PLG: variants seen among roughly 807,000 people sequenced by gnomAD.
The protein encoded by PLG is plasminogen, also known as plasmin.
Under a neutral mutation model 104.4 loss-of-function variants are expected in PLG, and 41 were observed. The ratio of observed to expected loss-of-function variants is 0.39; its 90% CI spans 0.31 to 0.51. PLG has a LOEUF of 0.51. Ranked by LOEUF, PLG falls within the 20% of genes least tolerant of loss-of-function variation. PLG has a pLI of 0.76. For synonymous variants in PLG, 337 were observed against 357.1 expected (o/e 0.94, Z 0.63); for missense variants, 891 against 1,003.6 (o/e 0.89, Z 1.52).
chr6:160,749,298 C>T (rs1170942875), intron 17 of PLG, among the ~76,000 whole-genome samples: 1 of 152,078 alleles, frequency 6.6e-6, no homozygotes, highest in Admixed American at 6.6e-5. Flanking sequence ...CCACAACTAC[C>T]ATCATCATCC....
chr6:160,705,213 C>G (rs139041705), intron 1 of PLG, among the ~76,000 whole-genome samples: 1 of 144,096 alleles, frequency 6.9e-6, no homozygotes, highest in South Asian at 2.2e-4. Flanking sequence ...GTGCCAAGGA[C>G]GGAGCTGGCA....
rs1778019786 is a variant in PLG, at chr6:160,732,768, G to A, written c.1587+875G>A. 6.6e-6 allele frequency among the ~76,000 whole-genome samples: 1 copy of A among 152,142 alleles called. No homozygotes were observed. The highest frequency in any genetic ancestry group is 6.5e-5 in the Admixed American group (1 of 15,276). On this transcript the variant is annotated intron_variant, in intron 12 of 18. Coordinates refer to ENST00000308192, the MANE Select transcript of PLG (RefSeq NM_000301.5). The surrounding 1 kb of genome is among the most constrained non-coding windows in gnomAD (Gnocchi z 4.5). ...AACAGCCAGACAGAAGAGATGCACG[G>A]GGCAAGGCATGTGAGAAGGGGCTCA...
rs752522150 is a variant in PLG at position 160,739,177 on chromosome 6, C to T, written c.1987C>T (p.Arg663Ter). The change falls in exon 16 of 19, where the codon CGA becomes TGA. Residue 663 changes from arginine to a stop codon, truncating the protein, a stop_gained. Coordinates refer to ENST00000308192, the MANE Select transcript of PLG (RefSeq NM_000301.5). LOFTEE classifies it high-confidence loss of function. This position sits in a 1 kb window ranked among gnomAD's most constrained non-coding sequence, Gnocchi z 4.4. Reference protein sequence around the residue: ...EVSRLFLEPTRKDIALLKLSS... With the variant: ...EVSRLFLEPT Reference sequence around the variant, plus strand: ...GTCTAGGCTGTTCTTGGAGCCCACACGAAAAGATATTGCCTTGCTAAAGCT... The same window carrying T: ...GTCTAGGCTGTTCTTGGAGCCCACATGAAAAGATATTGCCTTGCTAAAGCT... The T allele has an allele frequency of 8.7e-6, 14 of 1,614,008 alleles. No homozygotes were observed. The highest frequency in any genetic ancestry group is 1.1e-5 in the Non-Finnish European group (13 of 1,180,030).
At chr6:160,706,165 G>T (rs1777518159) in intron 1 of PLG, 2 of 556,578 alleles carry the variant, frequency 3.6e-6, no homozygotes, top group South Asian at 2.0e-5. Context: ...CCCTTGCCTT[G>T]CTCCCTCTCT....
In PLG at chr6:160,732,038, C is replaced by T; in HGVS notation, c.1587+145C>T. Reference sequence around the variant, plus strand: ...ACAGAAGAAAATATTGGAAAGGCATCAGGGGGCTAAGCTAGAATATAATTG... The same window carrying T: ...ACAGAAGAAAATATTGGAAAGGCATTAGGGGGCTAAGCTAGAATATAATTG... On this transcript the variant is annotated intron_variant, in intron 12 of 18. Coordinates refer to ENST00000308192, the MANE Select transcript of PLG (RefSeq NM_000301.5). This position sits in a 1 kb window ranked among gnomAD's most constrained non-coding sequence, Gnocchi z 4.5. 1.2e-6 allele frequency: 1 copy of T among 851,632 alleles called. No homozygotes were observed. Among genetic ancestry groups the T allele is most frequent in the South Asian group, 1.4e-5 (1 of 72,330 alleles). The allele number at this position is 851,632 out of a possible 1,614,324, so 52.8% of individuals were successfully genotyped here.
At chr6:160,733,216 C>A (rs144897581) in intron 12 of PLG, among the ~76,000 whole-genome samples, 58 of 152,314 alleles carry the variant, frequency 3.8e-4, no homozygotes, top group African/African-American at 1.3e-3. Context: ...GACAACACTG[C>A]CTTTCTGTGT....
intron 9 of PLG, 131 bp downstream of exon 9, chr6:160,718,969 A>G: frequency 1.2e-6 from 1 of 813,056 alleles, no homozygotes; most frequent in East Asian, 2.6e-5. Context: ...TGCCCTTATG[A>G]TTTCAGTTTT....
intron 1 of PLG, among the ~76,000 whole-genome samples, chr6:160,704,347 G>A (rs1048188123): frequency 4.6e-5 from 7 of 152,218 alleles, no homozygotes; most frequent in African/African-American, 1.7e-4. Flanking sequence ...ATGAAGCATA[G>A]TAACATAACA....
At chr6:160,717,220 G>A (rs981707778) in intron 7 of PLG, among the ~76,000 whole-genome samples, 2 of 152,120 alleles carry the variant, frequency 1.3e-5, no homozygotes, top group Non-Finnish European at 2.9e-5. Context: ...GGTGGGGGTG[G>A]GGAAGAGTTC....
intron 5 of PLG, among the ~76,000 whole-genome samples, chr6:160,714,115 T>G (rs1310683481): frequency 1.3e-5 from 2 of 152,234 alleles, no homozygotes; most frequent in Admixed American, 1.3e-4. Flanking sequence ...GTCTGCCCGT[T>G]TTCCTTAGTA....
chr6:160,728,706 A>C (rs1777955898), intron 10 of PLG, among the ~76,000 whole-genome samples: 1 of 152,176 alleles, frequency 6.6e-6, no homozygotes, highest in East Asian at 1.9e-4. Flanking sequence ...GAAAACAAAA[A>C]TAAAAACAAA....
intron 5 of PLG, 141 bp from the exon 6 acceptor site, chr6:160,714,643 CAATTTTATTG>C: frequency 7.4e-6 from 3 of 403,596 alleles, no homozygotes; most frequent in Non-Finnish European, 1.5e-5. Flanking sequence ...TCCTTATTGC[CAATTTTATTG>C]CCAAGTGCCT....
intron 5 of PLG, among the ~76,000 whole-genome samples, chr6:160,714,322 A>G (rs1777695249): frequency 3.3e-5 from 5 of 152,234 alleles, no homozygotes; most frequent in Admixed American, 3.3e-4. Flanking sequence ...ACTCCAGACT[A>G]AAACCCTGAG....
At chr6:160,715,996 C>G (rs1426308245) in intron 6 of PLG, among the ~76,000 whole-genome samples, 9 of 152,342 alleles carry the variant, frequency 5.9e-5, no homozygotes, top group Admixed American at 5.2e-4. Flanking sequence ...GGATCCAGCC[C>G]CATACTGCAT....
At chr6:160,749,767 C>A (rs2115188394) in intron 17 of PLG, among the ~76,000 whole-genome samples, 1 of 151,388 alleles carries the variant, frequency 6.6e-6, no homozygotes, top group South Asian at 2.1e-4. Flanking sequence ...ACCATCACCA[C>A]CGCCACCACC....
rs1778101667 is a variant in PLG, at chr6:160,737,403, C to T, written c.1802+396C>T. 6.6e-6 allele frequency among the ~76,000 whole-genome samples: 1 copy of T among 152,114 alleles called. No homozygotes were observed. The highest frequency in any genetic ancestry group is 2.4e-5 in the African/African-American group (1 of 41,444). On this transcript the variant is annotated intron_variant, in intron 14 of 18. Transcript: ENST00000308192. This position sits in a 1 kb window ranked among gnomAD's most constrained non-coding sequence, Gnocchi z 4.7. ...ACTTTCTGGGTTGGGAGAGCAAGGA[C>T]AAAATTATCTCCAGTCTATCACAGG...
In PLG at chr6:160,731,318, T is replaced by C; in HGVS notation, c.1438+86T>C. ...ATCTCACTGATGCAGAAACCTTCCATGCTACACGAGAAATCAAGTGTTTTT... is the reference window on the plus strand; with the variant it reads ...ATCTCACTGATGCAGAAACCTTCCACGCTACACGAGAAATCAAGTGTTTTT... On this transcript the variant is annotated intron_variant, in intron 11 of 18. Coordinates refer to ENST00000308192, the MANE Select transcript of PLG (RefSeq NM_000301.5). The surrounding 1 kb of genome is among the most constrained non-coding windows in gnomAD (Gnocchi z 5.1). 8.4e-7 allele frequency: 1 copy of C among 1,189,956 alleles called. No homozygotes were observed. The highest frequency in any genetic ancestry group is 2.3e-4 in the Middle Eastern group (1 of 4,274). 73.7% of individuals were successfully genotyped at this position (1,189,956 alleles called of 1,614,324 possible). A position where few individuals can be genotyped will look rare whatever the true frequency, so the allele number is the denominator to read the frequency against.
At chr6:160,710,918 G>C (rs1347328828) in intron 3 of PLG, among the ~76,000 whole-genome samples, 159 bp from the exon 4 acceptor site, 1 of 152,194 alleles carries the variant, frequency 6.6e-6, no homozygotes, top group African/African-American at 2.4e-5. Flanking sequence ...GAATGGCTCA[G>C]TTTACTGCAG....
At chr6:160,705,533 C>T (rs1312702604) in intron 1 of PLG, 1 of 152,180 alleles carries the variant, frequency 6.6e-6, no homozygotes, top group African/African-American at 2.4e-5. Flanking sequence ...TGTCATAAGC[C>T]CAGTACAAAA....
Sources: gnomAD v4.1 joint callset for allele counts (sites outside exome capture counted in the v4.1 genomes callset) on GRCh38, gnomAD v4.1.1 for gene constraint, Gnocchi (gnomAD v3.1) non-coding constraint, MANE v1.5 for transcripts, NCBI Gene and HGNC (gene_info 2026-07-23, HGNC 2026-07-21) for gene names.